The following PRKCZ variants were observed in gnomAD, a reference collection of about 807,000 sequenced individuals.
PRKCZ encodes protein kinase C zeta type.
In PRKCZ, 33 loss-of-function variants were observed where a neutral mutation model predicts 79.5. The ratio of observed to expected loss-of-function variants is 0.41; its 90% CI spans 0.31 to 0.55. PRKCZ has a LOEUF of 0.55. Ranked by LOEUF, PRKCZ falls within the 20% of genes least tolerant of loss-of-function variation. The pLI, the probability that PRKCZ is intolerant of heterozygous loss-of-function variation, is 0.19. For synonymous variants in PRKCZ, 342 were observed against 320.9 expected (o/e 1.07, Z -0.70); for missense variants, 578 against 813.5 (o/e 0.71, Z 3.52).
intron 10 of PRKCZ, chr1:2,169,254 C>T (rs1683926546): frequency 1.9e-6 from 1 of 520,808 alleles, no homozygotes. Flanking sequence ...ACCCACACTT[C>T]CCAAGTCCAC....
intron 4 of PRKCZ, among the ~76,000 whole-genome samples, chr1:2,065,801 A>G (rs887556683): frequency 1.3e-5 from 2 of 151,808 alleles, no homozygotes; most frequent in East Asian, 1.9e-4. Context: ...TTTTTCATAC[A>G]TGGTTTTTAT....
At chr1:2,109,747 G>C (rs1669341363) in intron 4 of PRKCZ, among the ~76,000 whole-genome samples, 1 of 152,208 alleles carries the variant, frequency 6.6e-6, no homozygotes, top group Non-Finnish European at 1.5e-5. Context: ...GTACAGCCCA[G>C]CCTGTAGAGG....
intron 4 of PRKCZ, among the ~76,000 whole-genome samples, chr1:2,108,145 C>T (rs1425463214): frequency 2.0e-5 from 3 of 152,218 alleles, no homozygotes; most frequent in Non-Finnish European, 4.4e-5. Flanking sequence ...GAAAAGGCAT[C>T]GAGGTAAATG....
At chr1:2,074,352 T>C in intron 4 of PRKCZ, 1 of 1,535,236 alleles carries the variant, frequency 6.5e-7, no homozygotes, top group Non-Finnish European at 8.8e-7. Context: ...GGAAATCGTC[T>C]TGGGCTCGTC....
intron 4 of PRKCZ, among the ~76,000 whole-genome samples, chr1:2,100,826 G>A (rs372585622): frequency 1.3e-5 from 2 of 152,204 alleles, no homozygotes; most frequent in African/African-American, 4.8e-5. Flanking sequence ...GAAATTGCAT[G>A]AGATGAAAGA....
At chr1:2,143,951 C>A in intron 5 of PRKCZ, 1 of 436,150 alleles carries the variant, frequency 2.3e-6, no homozygotes, top group Non-Finnish European at 4.1e-6. Context: ...CCCGATGGCA[C>A]CTCCCCTGTG....
upstream of PRKCZ, among the ~76,000 whole-genome samples, chr1:2,050,285 C>A (rs1054226876): frequency 6.6e-6 from 1 of 151,680 alleles, no homozygotes; most frequent in Non-Finnish European, 1.5e-5. Flanking sequence ...GGGCCGCGGC[C>A]GGGTGTCCCC....
chr1:2,142,389 A>C (rs497750), intron 5 of PRKCZ: 9 of 23,462 alleles, frequency 3.8e-4, no homozygotes, highest in South Asian at 1.5e-3. Context: ...CCTCCTTTCA[A>C]TCCAGGGTCC....
At chr1:2,131,025 A>G (rs747752932) in intron 4 of PRKCZ, among the ~76,000 whole-genome samples, 17 of 152,122 alleles carry the variant, frequency 1.1e-4, no homozygotes, top group Non-Finnish European at 2.2e-4. Context: ...TGGCCTTCCC[A>G]GAAGAGGGCC....
intron 16 of PRKCZ, among the ~76,000 whole-genome samples, chr1:2,183,188 G>A (rs1203994886): frequency 6.6e-6 from 1 of 152,052 alleles, no homozygotes; most frequent in African/African-American, 2.4e-5. Context: ...CCGAGATCGT[G>A]CCACTGCACT....
intron 4 of PRKCZ, among the ~76,000 whole-genome samples, chr1:2,079,161 C>T (rs1355003914): frequency 6.6e-6 from 1 of 152,236 alleles, no homozygotes; most frequent in East Asian, 1.9e-4. Flanking sequence ...CTTTTTAAGG[C>T]AGAGTGCCCT....
chr1:2,145,992 T>G (rs1293849958), intron 6 of PRKCZ, 35 bp from the exon 7 acceptor site: 1 of 1,555,808 alleles, frequency 6.4e-7, no homozygotes, highest in East Asian at 2.2e-5. Context: ...GCTCTAGCAC[T>G]TGGTCATGCT....
At chr1:2,114,014 G>A (rs551672010) in intron 4 of PRKCZ, among the ~76,000 whole-genome samples, 1 of 152,304 alleles carries the variant, frequency 6.6e-6, no homozygotes, top group East Asian at 1.9e-4. Flanking sequence ...GGGAGGGAGA[G>A]CGGGCGCCAT....
upstream of PRKCZ, chr1:2,050,371 G>A (rs1025933279): frequency 3.0e-5 from 5 of 168,560 alleles, no homozygotes; most frequent in Non-Finnish European, 5.0e-5. Context: ...GGGACCGCCC[G>A]CCCCGCGGAT....
rs113487685 is a variant in PRKCZ at position 2,122,071 on chromosome 1, C to T, written c.335-13191C>T. 8.3e-3 allele frequency among the ~76,000 whole-genome samples: 14 copies of T among 1,690 alleles called. 2 individuals carry two copies. The highest frequency in any genetic ancestry group is 0.014 in the South Asian group (1 of 72). 1.1% of individuals were successfully genotyped at this position (1,690 alleles called of 152,430 possible). A position where few individuals can be genotyped will look rare whatever the true frequency, so the allele number is the denominator to read the frequency against. ...GTTAGGGTCGTGGTGGTTAGGGTCA[C>T]GGTGGTAGTTAGGGTCGTGGTGGTT... On this transcript the variant is annotated intron_variant, in intron 4 of 17. Transcript: ENST00000378567.
chr1:2,144,547 C>T lies in PRKCZ; in HGVS notation c.552+206C>T, dbSNP rs996399293. ...AGCCCCCACAAGCCCCCGGCACACT[C>T]TGCTCATTGGGGCATGAGGCTCAGG... On this transcript the variant is annotated intron_variant, in intron 6 of 17. Coordinates refer to ENST00000378567, the MANE Select transcript of PRKCZ (RefSeq NM_002744.6). 4.3e-6 allele frequency: 6 copies of T among 1,408,554 alleles called. No homozygotes were observed. In the African/African-American group the frequency reaches 7.2e-5, roughly 17 times the overall value. The allele number at this position is 1,408,554 out of a possible 1,614,324, so 87.3% of individuals were successfully genotyped here.
intron 4 of PRKCZ, among the ~76,000 whole-genome samples, chr1:2,078,545 C>T (rs921242788): frequency 6.6e-6 from 1 of 152,144 alleles, no homozygotes; most frequent in African/African-American, 2.4e-5. Context: ...ACTTCTTTGT[C>T]TCTTGTGCTG....
intron 7 of PRKCZ, among the ~76,000 whole-genome samples, chr1:2,146,766 A>G (rs1354151176): frequency 2.0e-5 from 3 of 152,210 alleles, no homozygotes; most frequent in African/African-American, 7.2e-5. Context: ...ATGAGACCAC[A>G]GAACATAAAG....
In PRKCZ at chr1:2,172,600, C is replaced by T. The variant is rs1212027044; in HGVS notation, c.1285+212C>T. ...CACTTGAGCAGCTCCTTGGGGAGGGCACTGCACAGGATTCCTCCTGCCAGG... is the reference window on the plus strand; with the variant it reads ...CACTTGAGCAGCTCCTTGGGGAGGGTACTGCACAGGATTCCTCCTGCCAGG... On this transcript the variant is annotated intron_variant, in intron 13 of 17. Transcript: ENST00000378567. The surrounding 1 kb of genome is among the most constrained non-coding windows in gnomAD (Gnocchi z 7.8). Among the ~76,000 whole-genome samples the T allele has an allele frequency of 1.3e-5, 2 of 152,214 alleles. No homozygotes were observed. The highest frequency in any genetic ancestry group is 2.9e-5 in the Non-Finnish European group (2 of 68,040).
Sources: gnomAD v4.1 joint callset for allele counts (sites outside exome capture counted in the v4.1 genomes callset) on GRCh38, gnomAD v4.1.1 for gene constraint, Gnocchi (gnomAD v3.1) non-coding constraint, MANE v1.5 for transcripts, NCBI Gene and HGNC (gene_info 2026-07-23, HGNC 2026-07-21) for gene names.